GPAT3: variants seen among roughly 807,000 people sequenced by gnomAD.
GPAT3 encodes 1-AGP acyltransferase 9.
Under a neutral mutation model 58.8 loss-of-function variants are expected in GPAT3, and 53 were observed. The observed-to-expected ratio is 0.90, with a 90% confidence interval of 0.72 to 1.13. The LOEUF is 1.13. Among genes scored for constraint, GPAT3 ranks in the 50% most tolerant of loss-of-function variants. The pLI is 0.00. For missense variants in GPAT3, 511 were observed against 527.6 expected (o/e 0.97, Z 0.31); for synonymous variants, 197 against 187.4 (o/e 1.05, Z -0.42).
chr4:83,598,933 G>A (rs952123019), intron 11 of GPAT3, among the ~76,000 whole-genome samples: 2 of 151,850 alleles, frequency 1.3e-5, no homozygotes, highest in Non-Finnish European at 2.9e-5. Flanking sequence ...GGGACTACAA[G>A]TGCTTGCCAC....
At chr4:83,558,081 G>T (rs930332001) in intron 2 of GPAT3, among the ~76,000 whole-genome samples, 1 of 152,082 alleles carries the variant, frequency 6.6e-6, no homozygotes, top group Non-Finnish European at 1.5e-5. Context: ...GGGCATGGTG[G>T]TGCATGCCTG....
intron 2 of GPAT3, among the ~76,000 whole-genome samples, chr4:83,580,839 G>A (rs1450179812): frequency 6.6e-6 from 1 of 152,106 alleles, no homozygotes; most frequent in Non-Finnish European, 1.5e-5. Flanking sequence ...GCTCACGCCT[G>A]TAATCCCAGC....
chr4:83,597,433 C>G lies in GPAT3; in HGVS notation c.914C>G (p.Thr305Ser). Reference protein sequence around the residue: ...KLPILIFPEGTCINNTSVMMF... With the variant: ...KLPILIFPEGSCINNTSVMMF... ...TCCTACCCTCACCCCCTTGCAGGAA[C>G]TTGCATCAACAATACTTCAGTCATG... The change falls in exon 9 of 12, where the codon ACT (threonine) becomes AGT (serine). Residue 305 changes from threonine (T) to serine (S), a missense_variant. Coordinates refer to ENST00000264409, the MANE Select transcript of GPAT3 (RefSeq NM_032717.5). The G allele has an allele frequency of 6.5e-7, 1 of 1,538,468 alleles. No homozygotes were observed. Among genetic ancestry groups the G allele is most frequent in the Non-Finnish European group, 8.8e-7 (1 of 1,141,400 alleles).
intron 2 of GPAT3, among the ~76,000 whole-genome samples, chr4:83,577,788 CTT>C (rs1185047521): frequency 1.1e-3 from 73 of 66,704 alleles, no homozygotes; most frequent in South Asian, 1.7e-3. Flanking sequence ...GTCATTGTGG[CTT>C]TTTTTTTTTT....
intron 11 of GPAT3, among the ~76,000 whole-genome samples, chr4:83,603,745 G>A (rs182693972): frequency 5.5e-4 from 81 of 146,400 alleles, no homozygotes; most frequent in African/African-American, 1.8e-3. Context: ...AGCCAAGATT[G>A]TGCCATTGCA....
chr4:83,596,623 C>T (rs920123212), intron 7 of GPAT3, among the ~76,000 whole-genome samples: 4 of 151,780 alleles, frequency 2.6e-5, no homozygotes, highest in Non-Finnish European at 5.9e-5. Context: ...CCCCATCCCC[C>T]ACCCACCAAA....
At chr4:83,579,081 C>CCCTTCCTTCCTTCCTTCCTTCCTTCCTT (rs778000097) in intron 2 of GPAT3, among the ~76,000 whole-genome samples, 4 of 19,678 alleles carry the variant, frequency 2.0e-4, no homozygotes, top group African/African-American at 5.5e-4. Context: ...TTTCTTTCTT[C>CCCTTCCTTCCTTCCTTCCTTCCTTCCTT]CCTTCCTTCC....
At chr4:83,555,230 G>A (rs1198850615) in intron 2 of GPAT3, among the ~76,000 whole-genome samples, 1 of 152,166 alleles carries the variant, frequency 6.6e-6, no homozygotes, top group East Asian at 1.9e-4. Flanking sequence ...ATAAGTGATA[G>A]TGTCTTTGTG....
rs781069689 is a variant in GPAT3, at chr4:83,536,767, A to AGT, written c.141+6_141+7dup. 33 of 1,604,854 alleles carry AGT rather than the reference A, an allele frequency of 2.1e-5. No homozygotes were observed. The highest frequency in any genetic ancestry group is 1.6e-5 in the Non-Finnish European group (19 of 1,175,890). ...GATCCTAGTGAAAACTTTAGAGGTG[A>AGT]GTGCCGGGAGGGATGCAGCCAGCCC... On this transcript the variant is annotated splice_donor_region_variant and intron_variant, in intron 1 of 11. Transcript: ENST00000264409.
At chr4:83,585,471 T>A (rs939693292) in intron 3 of GPAT3, among the ~76,000 whole-genome samples, 5 of 151,776 alleles carry the variant, frequency 3.3e-5, no homozygotes, top group African/African-American at 1.2e-4. Flanking sequence ...TACTTTTTTT[T>A]ACGTTTCCAG....
Position 83,590,272 on chromosome 4 carries a change from A to G in GPAT3, c.718A>G (p.Thr240Ala). Residue 240 changes from threonine to alanine, a missense_variant, in exon 6 of 12, where the codon ACG becomes GCG. Coordinates refer to ENST00000264409, the MANE Select transcript of GPAT3 (RefSeq NM_032717.5). Reference sequence around the variant, plus strand: ...CCCCATTGATGTTTTAATCTTGACAACGGATGGATGTTATGCTATGGTAAG... The same window carrying G: ...CCCCATTGATGTTTTAATCTTGACAGCGGATGGATGTTATGCTATGGTAAG... The part of the protein sequence containing the change: ...TSPIDVLILT[T>A]DGCYAMVGQV... 7.4e-6 allele frequency: 12 copies of G among 1,613,740 alleles called. No homozygotes were observed. Among genetic ancestry groups the G allele is most frequent in the Non-Finnish European group, 1.0e-5 (12 of 1,179,726 alleles).
chr4:83,569,859 T>A (rs56394927), intron 2 of GPAT3, among the ~76,000 whole-genome samples: 32,555 of 152,106 alleles, frequency 0.21, 3,692 homozygotes, highest in East Asian at 0.31. Context: ...GGGTGAATTG[T>A]GTCACAACTT....
chr4:83,587,511 C>T (rs190682379), intron 4 of GPAT3, among the ~76,000 whole-genome samples, 182 bp downstream of exon 4: 256 of 152,296 alleles, frequency 1.7e-3, no homozygotes, highest in Non-Finnish European at 2.3e-3. Flanking sequence ...ACTGCAACCT[C>T]CGCCTCCTGG....
Position 83,536,778 on chromosome 4 carries a change from G to T in GPAT3, c.141+15G>T, listed in dbSNP as rs776388061. 1.8e-5 allele frequency: 28 copies of T among 1,598,956 alleles called. No individual in the cohort carries two copies. The South Asian group carries it at 3.0e-4, about 17-fold the overall frequency. On this transcript the variant is annotated intron_variant, in intron 1 of 11. Coordinates refer to ENST00000264409, the MANE Select transcript of GPAT3 (RefSeq NM_032717.5). ...AAACTTTAGAGGTGAGTGCCGGGAG[G>T]GATGCAGCCAGCCCCACACCGCTGC...
At chr4:83,597,916 A>C (rs917207100) in intron 9 of GPAT3, 135 bp from the exon 10 acceptor site, 3 of 1,020,336 alleles carry the variant, frequency 2.9e-6, no homozygotes, top group Admixed American at 2.8e-5. Flanking sequence ...TTTTTTTGAT[A>C]AATTCCATCA....
intron 3 of GPAT3, among the ~76,000 whole-genome samples, chr4:83,587,031 T>C (rs2110102109): frequency 6.6e-6 from 1 of 152,370 alleles, no homozygotes; most frequent in Non-Finnish European, 1.5e-5. Context: ...TCATATTCTG[T>C]ACTTTATTCT....
intron 1 of GPAT3, among the ~76,000 whole-genome samples, chr4:83,542,966 C>A (rs1299224887): frequency 6.6e-6 from 1 of 151,772 alleles, no homozygotes; most frequent in South Asian, 2.1e-4. Flanking sequence ...CCATTGGACT[C>A]CAGCCTGGGT....
At chr4:83,594,815 C>T (rs3733327) in intron 6 of GPAT3, 30 bp from the exon 7 acceptor site, 437,595 of 1,590,676 alleles carry the variant, frequency 0.28, 63,174 homozygotes, top group Middle Eastern at 0.36. Flanking sequence ...GTGCCTTTTA[C>T]GTTTTTTCCT....
chr4:83,536,970 C>A (rs1724122475), intron 1 of GPAT3, among the ~76,000 whole-genome samples: 1 of 152,198 alleles, frequency 6.6e-6, no homozygotes, highest in South Asian at 2.1e-4. Context: ...GCTGGAACCA[C>A]TGGACCACTC....
Sources: gnomAD v4.1 joint callset for allele counts (sites outside exome capture counted in the v4.1 genomes callset) on GRCh38, gnomAD v4.1.1 for gene constraint, MANE v1.5 for transcripts, NCBI Gene and HGNC (gene_info 2026-07-23, HGNC 2026-07-21) for gene names.